The following ATP6V1A variants were observed in gnomAD, a reference collection of about 807,000 sequenced individuals.
The protein encoded by ATP6V1A is V-type proton ATPase catalytic subunit A.
A neutral mutation model predicts 70.1 loss-of-function variants in ATP6V1A; 18 were observed. The ratio of observed to expected loss-of-function variants is 0.26; its 90% CI spans 0.18 to 0.38. The LOEUF is 0.38. Ranked by LOEUF, ATP6V1A falls within the 10% of genes least tolerant of loss-of-function variation. The pLI, the probability that ATP6V1A is intolerant of heterozygous loss-of-function variation, is 1.00. For missense variants in ATP6V1A, 424 were observed against 772.4 expected (o/e 0.55, Z 5.35); for synonymous variants, 232 against 253.8 (o/e 0.91, Z 0.82).
At chr3:113,777,265 C>T (rs1708924923) in intron 1 of ATP6V1A, among the ~76,000 whole-genome samples, 1 of 151,174 alleles carries the variant, frequency 6.6e-6, no homozygotes, top group Non-Finnish European at 1.5e-5. Flanking sequence ...TCTGTGTGTT[C>T]CACTAAAAGA....
chr3:113,753,331 T>C (rs951031920), intron 1 of ATP6V1A, among the ~76,000 whole-genome samples: 2 of 152,220 alleles, frequency 1.3e-5, no homozygotes, highest in African/African-American at 4.8e-5. Flanking sequence ...TCTCATAAAA[T>C]GCTAGCGGAG....
chr3:113,782,306 G>T (rs1262485549), intron 3 of ATP6V1A, among the ~76,000 whole-genome samples: 1 of 151,744 alleles, frequency 6.6e-6, no homozygotes, highest in African/African-American at 2.4e-5. Context: ...CTTTTAATCT[G>T]TTTAATCTTT....
intron 1 of ATP6V1A, among the ~76,000 whole-genome samples, chr3:113,766,581 C>T (rs572895932): frequency 5.3e-5 from 8 of 152,172 alleles, no homozygotes; most frequent in African/African-American, 1.9e-4. Context: ...AGGCATGAGC[C>T]ACTGCATCCA....
chr3:113,805,254 T>C, intron 13 of ATP6V1A, 100 bp from the exon 14 acceptor site: 1 of 1,184,028 alleles, frequency 8.4e-7, no homozygotes, highest in Non-Finnish European at 1.2e-6. Context: ...GCAATCTGCA[T>C]ACTTAGATAA....
chr3:113,794,011 T>C (rs1444012356), intron 8 of ATP6V1A, among the ~76,000 whole-genome samples: 2 of 152,184 alleles, frequency 1.3e-5, no homozygotes, highest in Admixed American at 1.3e-4. Flanking sequence ...CGTTATTCCA[T>C]TTTTAATAGG....
chr3:113,757,428 T>C (rs1271680575), intron 1 of ATP6V1A, among the ~76,000 whole-genome samples: 2 of 152,242 alleles, frequency 1.3e-5, no homozygotes, highest in African/African-American at 4.8e-5. Context: ...CATTGAGCCA[T>C]ATCAACTTTG....
At chr3:113,797,306 G>A (rs1709163564) in intron 11 of ATP6V1A, among the ~76,000 whole-genome samples, 1 of 150,232 alleles carries the variant, frequency 6.7e-6, no homozygotes, top group Non-Finnish European at 1.5e-5. Context: ...AGGCTGGAGT[G>A]CAGTGGCGTG....
At chr3:113,796,830 A>C (rs1468269648) in intron 11 of ATP6V1A, among the ~76,000 whole-genome samples, 1 of 152,238 alleles carries the variant, frequency 6.6e-6, no homozygotes, top group Non-Finnish European at 1.5e-5. Context: ...TTAGAAATGC[A>C]TGGAATATCT....
intron 6 of ATP6V1A, 112 bp from the exon 7 acceptor site, chr3:113,788,601 C>T (rs762121404): frequency 2.5e-5 from 24 of 953,572 alleles, no homozygotes; most frequent in Non-Finnish European, 3.4e-5. Flanking sequence ...CCGCTTCGGC[C>T]CCCACAAGTG....
chr3:113,759,653 A>G (rs9817327), intron 1 of ATP6V1A, among the ~76,000 whole-genome samples: 50,220 of 151,938 alleles, frequency 0.33, 8,456 homozygotes, highest in East Asian at 0.36. Flanking sequence ...TTAGAAGGTC[A>G]TTCTGTGATG....
intron 11 of ATP6V1A, 64 bp downstream of exon 11, chr3:113,796,003 C>A: frequency 7.9e-7 from 1 of 1,267,770 alleles, no homozygotes; most frequent in Non-Finnish European, 1.1e-6. Context: ...CCCTGCTGTT[C>A]TAATGCGATC....
At position 113,788,647 on chromosome 3, in the gene ATP6V1A, C is replaced by T. The variant is rs923793406; in HGVS notation, c.717-66C>T. 11 of 1,523,064 alleles carry T rather than the reference C, an allele frequency of 7.2e-6. No homozygotes were observed. In the African/African-American group the frequency reaches 1.5e-4, roughly 21 times the overall value. The allele number at this position is 1,523,064 out of a possible 1,614,324, so 94.3% of individuals were successfully genotyped here. A position where few individuals can be genotyped will look rare whatever the true frequency, so the allele number is the denominator to read the frequency against. On this transcript the variant is annotated intron_variant, in intron 6 of 14. Coordinates refer to ENST00000273398, the MANE Select transcript of ATP6V1A (RefSeq NM_001690.4). ...TACAGGCGTGAGCCACCGCGCCCGGCCCCTACTTTATTTATTAATATCTAT... is the reference window on the plus strand; with the variant it reads ...TACAGGCGTGAGCCACCGCGCCCGGTCCCTACTTTATTTATTAATATCTAT...
rs939969420 is a variant in ATP6V1A, at chr3:113,749,130, A to G, written c.-14+2017A>G. On this transcript the variant is annotated intron_variant, in intron 1 of 14. Coordinates refer to ENST00000273398, the MANE Select transcript of ATP6V1A (RefSeq NM_001690.4). ...GATGAGTCTGCAGTTTTACTTCACA[A>G]TTCCCCCAGTTTTAGGGAACTCGTG... Among the ~76,000 whole-genome samples, 4 of 152,188 alleles carry G rather than the reference A, an allele frequency of 2.6e-5. No individual in the cohort carries two copies. The South Asian group carries it at 8.3e-4, about 32-fold the overall frequency.
At position 113,784,280 on chromosome 3, in the gene ATP6V1A, C is replaced by G; in HGVS notation, c.268C>G (p.Leu90Val). The change falls in exon 4 of 15, where the codon CTT becomes GTT. Residue 90 changes from leucine to valine, a missense_variant. By Grantham distance (32) the Leu-to-Val change is conservative. This residue lies in a region of ATP6V1A where 139 missense variants were observed against 163.5 expected (regional missense o/e 0.85). Transcript: ENST00000273398. The stretch of plus-strand genomic sequence containing the variant: ...CACTGGTAAACCCCTCTCTGTAGAG[C>G]TTGGTCCTGGCATTATGGGAGCCAT... ...LRTGKPLSVE[L>V]GPGIMGAIFD... 1 of 1,614,200 alleles carries G rather than the reference C, an allele frequency of 6.2e-7. No homozygotes were observed. Among genetic ancestry groups the G allele is most frequent in the South Asian group, 1.1e-5 (1 of 91,088 alleles).
chr3:113,750,096 C>T (rs1708569053), intron 1 of ATP6V1A, among the ~76,000 whole-genome samples: 1 of 152,176 alleles, frequency 6.6e-6, no homozygotes, highest in Non-Finnish European at 1.5e-5. Flanking sequence ...TTCAGCTCTG[C>T]CACTTTAGTT....
chr3:113,766,288 C>T (rs1216418478), intron 1 of ATP6V1A, among the ~76,000 whole-genome samples: 3 of 151,798 alleles, frequency 2.0e-5, no homozygotes, highest in Admixed American at 1.3e-4. Context: ...CTCTCTTTCT[C>T]TCTCTCTTTC....
intron 11 of ATP6V1A, among the ~76,000 whole-genome samples, chr3:113,797,857 G>A (rs1373430254): frequency 6.6e-6 from 1 of 152,010 alleles, no homozygotes; most frequent in African/African-American, 2.4e-5. Context: ...GCATATTTAG[G>A]GGTCAGGCAT....
At chr3:113,797,466 G>A (rs951954098) in intron 11 of ATP6V1A, among the ~76,000 whole-genome samples, 2 of 150,644 alleles carry the variant, frequency 1.3e-5, no homozygotes, top group African/African-American at 2.4e-5. Flanking sequence ...ATGTTGGCCA[G>A]GCTGGTCTCG....
At chr3:113,777,361 T>G (rs997062086) in intron 1 of ATP6V1A, among the ~76,000 whole-genome samples, 3 of 152,196 alleles carry the variant, frequency 2.0e-5, no homozygotes, top group African/African-American at 7.2e-5. Flanking sequence ...TTTGTTACAT[T>G]GTGAAAAGTG....
Sources: allele counts gnomAD v4.1 joint callset (sites outside exome capture counted in the v4.1 genomes callset), GRCh38; gene constraint gnomAD v4.1.1; regional missense constraint gnomAD v4.1.1; transcripts MANE v1.5; gene names NCBI Gene and HGNC (gene_info 2026-07-23, HGNC 2026-07-21).